FAM118A: variants seen among roughly 807,000 people sequenced by gnomAD.
FAM118A encodes the protein SIR2 antiphage like 2, also known as protein FAM118A.
FAM118A carries 25 observed loss-of-function variants against 38.2 expected under a neutral mutation model. That is an observed-to-expected ratio of 0.65 (90% CI 0.48 to 0.91). The LOEUF (loss-of-function observed/expected upper bound fraction) is 0.91, where lower values mean the gene tolerates loss of function less well. Among genes scored for constraint, FAM118A ranks in the 40% least tolerant of loss-of-function variants. FAM118A has a pLI of 0.00. For missense variants in FAM118A, 425 were observed against 463.3 expected (o/e 0.92, Z 0.76); for synonymous variants, 178 against 184.1 (o/e 0.97, Z 0.27).
intron 6 of FAM118A, chr22:45,335,027 G>A (rs2085987416): frequency 2.8e-6 from 1 of 361,646 alleles, no homozygotes; most frequent in Non-Finnish European, 5.0e-6. Context: ...CTGTGACTGT[G>A]TCATGAAGGA....
chr22:45,323,494 C>G, intron 3 of FAM118A, 67 bp downstream of exon 3: 1 of 1,568,334 alleles, frequency 6.4e-7, no homozygotes, highest in Non-Finnish European at 8.7e-7. Context: ...AGTCTGTGAA[C>G]CTAATGTTAA....
rs1446341599 is a variant in FAM118A, at chr22:45,320,440, T to C, written c.-9-1931T>C. On this transcript the variant is annotated intron_variant, in intron 1 of 8. Coordinates refer to ENST00000441876, the MANE Select transcript of FAM118A (RefSeq NM_017911.4). ...TCTTTTCTTCCTTCTTCTTCTTCTT[T>C]TTTTTTTTCTTTTTAAGACAGGGTC... Among the ~76,000 whole-genome samples the C allele has an allele frequency of 6.2e-5, 8 of 129,726 alleles. No homozygotes were observed. The East Asian group carries it at 7.0e-4, about 11-fold the overall frequency. The allele number at this position is 129,726 out of a possible 152,430, so 85.1% of individuals were successfully genotyped here.
chr22:45,330,655 G>GC lies in FAM118A; in HGVS notation c.577dup (p.Leu193ProfsTer16). 1.3e-6 allele frequency: 2 copies of GC among 1,590,478 alleles called. No homozygotes were observed. The highest frequency in any genetic ancestry group is 1.7e-6 in the Non-Finnish European group (2 of 1,169,352). On this transcript the variant is annotated frameshift_variant, in exon 5 of 9. Transcript: ENST00000441876. LOFTEE classifies it high-confidence loss of function. ...AAGTACGGCGTCCTCCACATTCACGGCCTCTACACGGACCCCTGCGGGGTG... is the reference window on the plus strand; with the variant it reads ...AAGTACGGCGTCCTCCACATTCACGGCCCTCTACACGGACCCCTGCGGGGTG...
At position 45,341,681 on chromosome 22, in the gene FAM118A, A is replaced by C. The variant is rs1304026157; in HGVS notation, c.*1276A>C. ...CCGGCAGAGGCTTCTGTGGCGGTGC[A>C]TGAGCGGCCCTACAGTGGAGGGTTC... On this transcript the variant is annotated 3_prime_UTR_variant, in exon 9 of 9. Coordinates refer to ENST00000441876, the MANE Select transcript of FAM118A (RefSeq NM_017911.4). The C allele has an allele frequency of 6.6e-6, 1 of 152,174 alleles. No homozygotes were observed. Among genetic ancestry groups the C allele is most frequent in the Non-Finnish European group, 1.5e-5 (1 of 68,038 alleles). 9.4% of individuals were successfully genotyped at this position (152,174 alleles called of 1,614,324 possible). A position where few individuals can be genotyped will look rare whatever the true frequency, so the allele number is the denominator to read the frequency against.
At chr22:45,334,357 G>GTA (rs1364396615) in intron 6 of FAM118A, among the ~76,000 whole-genome samples, 1 of 152,212 alleles carries the variant, frequency 6.6e-6, no homozygotes, top group Non-Finnish European at 1.5e-5. Flanking sequence ...ACAGAGGCAG[G>GTA]TATATGTGAC....
chr22:45,328,796 AAAAAG>A, intron 4 of FAM118A: 1 of 267,166 alleles, frequency 3.7e-6, no homozygotes, highest in Non-Finnish European at 7.4e-6. Flanking sequence ...AAAGAAAAAA[AAAAAG>A]AAATACCTGA....
At chr22:45,325,957 A>C (rs1280905202) in intron 3 of FAM118A, among the ~76,000 whole-genome samples, 1 of 151,858 alleles carries the variant, frequency 6.6e-6, no homozygotes, top group Non-Finnish European at 1.5e-5. Context: ...CTGATGGCAG[A>C]CCCCCTGGGA....
rs534547004 is a variant in FAM118A, at chr22:45,334,351, A to G, written c.938-999A>G. Among the ~76,000 whole-genome samples the G allele has an allele frequency of 2.0e-5, 3 of 152,354 alleles. No homozygotes were observed. The East Asian group carries it at 5.8e-4, about 29-fold the overall frequency. Reference sequence around the variant, plus strand: ...CACACTAGAACGAGGTTAGCCACAGAGGCAGGTATATGTGACCAGCTGTGA... The same window carrying G: ...CACACTAGAACGAGGTTAGCCACAGGGGCAGGTATATGTGACCAGCTGTGA... On this transcript the variant is annotated intron_variant, in intron 6 of 8. Coordinates refer to ENST00000441876, the MANE Select transcript of FAM118A (RefSeq NM_017911.4).
intron 5 of FAM118A, 29 bp downstream of exon 5, chr22:45,330,760 C>T (rs140980281): frequency 0.014 from 20,556 of 1,500,802 alleles, 201 homozygotes; most frequent in Middle Eastern, 0.015. Flanking sequence ...AGCATCGGTG[C>T]GTCCTCTCAG....
chr22:45,335,457 AT>A, intron 7 of FAM118A, 75 bp downstream of exon 7: 2 of 1,533,858 alleles, frequency 1.3e-6, no homozygotes, highest in Non-Finnish European at 1.8e-6. Flanking sequence ...TAACTGTAAA[AT>A]CATAAACGTT....
intron 6 of FAM118A, 38 bp from the exon 7 acceptor site, chr22:45,335,312 T>C (rs41279809): frequency 1.9e-6 from 3 of 1,613,356 alleles, no homozygotes; most frequent in African/African-American, 2.7e-5. Context: ...GAGCTCTTGG[T>C]GTCTCGGCTC....
intron 6 of FAM118A, among the ~76,000 whole-genome samples, chr22:45,334,582 T>C (rs2085953915): frequency 1.3e-5 from 2 of 152,220 alleles, no homozygotes; most frequent in Admixed American, 1.3e-4. Flanking sequence ...TGTCACCCTC[T>C]GCTCGGAGTT....
chr22:45,311,198 G>T (rs2084348177), intron 1 of FAM118A, among the ~76,000 whole-genome samples: 1 of 152,182 alleles, frequency 6.6e-6, no homozygotes, highest in Non-Finnish European at 1.5e-5. Context: ...GGAGAAGTTT[G>T]CCAGGGTCAT....
chr22:45,331,834 A>C (rs1013020320), intron 5 of FAM118A, among the ~76,000 whole-genome samples: 2 of 152,070 alleles, frequency 1.3e-5, no homozygotes, highest in Admixed American at 1.3e-4. Flanking sequence ...TGCCTGCCTG[A>C]GTGACCCCAT....
At position 45,321,179 on chromosome 22, in the gene FAM118A, C is replaced by T. The variant is rs185881310; in HGVS notation, c.-9-1192C>T. Among the ~76,000 whole-genome samples, 257 of 150,876 alleles carry T rather than the reference C, an allele frequency of 1.7e-3. 1 individual carries two copies. Among genetic ancestry groups the T allele is most frequent in the Admixed American group, 3.7e-3 (57 of 15,200 alleles). ...TTGCCTAGGCTGGAGTGCAGTGGCG[C>T]GATCTCAGCTCACTGCAACCTCCAC... On this transcript the variant is annotated intron_variant, in intron 1 of 8. Coordinates refer to ENST00000441876, the MANE Select transcript of FAM118A (RefSeq NM_017911.4).
At chr22:45,322,308 G>C (rs897442599) in intron 1 of FAM118A, 63 bp from the exon 2 acceptor site, 30 of 1,584,076 alleles carry the variant, frequency 1.9e-5, no homozygotes, top group Non-Finnish European at 2.5e-5. Flanking sequence ...CTATCTTCCA[G>C]GGTGCAAATA....
At chr22:45,319,621 T>C (rs1377237678) in intron 1 of FAM118A, among the ~76,000 whole-genome samples, 2 of 152,230 alleles carry the variant, frequency 1.3e-5, no homozygotes, top group African/African-American at 4.8e-5. Flanking sequence ...TGAGGATTGG[T>C]GAACAGTTAA....
intron 1 of FAM118A, among the ~76,000 whole-genome samples, chr22:45,316,099 GCACGATCTCGGCTCACTGCAA>G (rs1287041480): frequency 2.8e-4 from 43 of 152,296 alleles, no homozygotes; most frequent in African/African-American, 9.1e-4. Context: ...GAGTGCAGTG[GCACGATCTCGGCTCACTGCAA>G]CCTCTGCCTC....
chr22:45,328,739 CTG>C lies in FAM118A; in HGVS notation c.522+678_522+679del. The C allele has an allele frequency of 1.2e-5, 6 of 480,316 alleles. No individual in the cohort carries two copies. In the South Asian group the frequency reaches 1.6e-4, roughly 12 times the overall value. The allele number at this position is 480,316 out of a possible 1,614,324, so 29.8% of individuals were successfully genotyped here. On this transcript the variant is annotated intron_variant, in intron 4 of 8. Transcript: ENST00000441876. ...AGATGGTTGCAGTGAGCTGAGATCA[CTG>C]TACTCCAGCCTGGGCAAGAGAGTGA...
Sources: allele counts gnomAD v4.1 joint callset (sites outside exome capture counted in the v4.1 genomes callset), GRCh38; gene constraint gnomAD v4.1.1; transcripts MANE v1.5; gene names NCBI Gene and HGNC (gene_info 2026-07-23, HGNC 2026-07-21).